Variants in NCOR2 observed in about 807,000 individuals in gnomAD.
NCOR2 encodes CTG repeat protein 26.
NCOR2 carries 81 observed loss-of-function variants against 262.9 expected under a neutral mutation model. That is an observed-to-expected ratio of 0.31 (90% CI 0.26 to 0.37). The LOEUF (loss-of-function observed/expected upper bound fraction) is 0.37. NCOR2 is among the 10% of genes least tolerant of loss of function. The pLI is 1.00. For synonymous variants in NCOR2, 1,659 were observed against 1,559.3 expected (o/e 1.06, Z -1.51); for missense variants, 3,385 against 3,621.4 (o/e 0.93, Z 1.68).
At chr12:124,387,537 G>T (rs559921813) in intron 16 of NCOR2, among the ~76,000 whole-genome samples, 1 of 152,192 alleles carries the variant, frequency 6.6e-6, no homozygotes, top group Admixed American at 6.5e-5. Context: ...CTGCCCTCCG[G>T]GTCCTCTGGC....
chr12:124,365,684 A>C (rs1042752034), intron 20 of NCOR2, among the ~76,000 whole-genome samples: 1 of 151,878 alleles, frequency 6.6e-6, no homozygotes, highest in East Asian at 1.9e-4. Context: ...TGACTTCTGC[A>C]TGCACCTCCA....
intron 1 of NCOR2, among the ~76,000 whole-genome samples, chr12:124,510,588 C>A (rs528513009): frequency 1.2e-3 from 178 of 152,348 alleles, no homozygotes; most frequent in African/African-American, 3.8e-3. Flanking sequence ...CCCAGGCGAG[C>A]CACCTCCTGT....
At position 124,501,239 on chromosome 12, in the gene NCOR2, G is replaced by A. The variant is rs371567351; in HGVS notation, c.-117-5871C>T. 1.6e-4 allele frequency among the ~76,000 whole-genome samples: 25 copies of A among 152,162 alleles called. No individual in the cohort carries two copies. In the South Asian group the frequency reaches 5.2e-3, roughly 32 times the overall value. On this transcript the variant is annotated intron_variant, in intron 1 of 46. Coordinates refer to the NCOR2 transcript ENST00000404621. ...CCCTGCGAAGACAGGCAGGCCCCAG[G>A]AGCCCTGCAGCTCAGCCACATACGG...
At chr12:124,328,531 CTTT>C (rs1195898007) in intron 44 of NCOR2, 1 of 152,026 alleles carries the variant, frequency 6.6e-6, no homozygotes, top group Non-Finnish European at 1.5e-5. Flanking sequence ...TTTCCTTTCC[CTTT>C]TTTCTTTCTT....
At chr12:124,361,711 G>A (rs373813626) in intron 22 of NCOR2, among the ~76,000 whole-genome samples, 30 of 152,326 alleles carry the variant, frequency 2.0e-4, no homozygotes, top group African/African-American at 6.0e-4. Context: ...AAGCTCCTGC[G>A]TGGACTGATT....
chr12:124,442,424 G>C (rs984027425), intron 7 of NCOR2, among the ~76,000 whole-genome samples: 21 of 152,220 alleles, frequency 1.4e-4, no homozygotes, highest in African/African-American at 4.8e-4. Context: ...ACAGGCGTGG[G>C]CCACCATGGC....
chr12:124,458,595 G>A (rs752168595), intron 5 of NCOR2, among the ~76,000 whole-genome samples: 9 of 152,178 alleles, frequency 5.9e-5, no homozygotes, highest in Non-Finnish European at 8.8e-5. Flanking sequence ...GCCAAGCGTC[G>A]GGCATACGGT....
At chr12:124,332,957 G>A (rs1158316554) in intron 42 of NCOR2, among the ~76,000 whole-genome samples, 173 bp downstream of exon 44, 4 of 152,190 alleles carry the variant, frequency 2.6e-5, no homozygotes, top group Non-Finnish European at 5.9e-5. Flanking sequence ...CCCAGGGAGG[G>A]TGGGCATGTA....
At chr12:124,435,310 T>TAA (rs1430623808) in intron 8 of NCOR2, among the ~76,000 whole-genome samples, 1 of 152,240 alleles carries the variant, frequency 6.6e-6, no homozygotes, top group African/African-American at 2.4e-5. Flanking sequence ...GGGTATCTCT[T>TAA]AACTTGATAA....
chr12:124,444,670 C>G (rs1056608133), intron 7 of NCOR2, among the ~76,000 whole-genome samples: 1 of 152,020 alleles, frequency 6.6e-6, no homozygotes, highest in African/African-American at 2.4e-5. Context: ...GAGCCTGACC[C>G]CGGCTGCAGG....
intron 13 of NCOR2, among the ~76,000 whole-genome samples, chr12:124,416,704 C>T (rs1217390969): frequency 1.4e-5 from 2 of 146,474 alleles, no homozygotes; most frequent in African/African-American, 5.1e-5. Flanking sequence ...CCCCGCGGCA[C>T]AGATAGAACC....
chr12:124,440,350 T>C lies in NCOR2; in HGVS notation c.816-2354A>G, dbSNP rs77244677. 6.6e-6 allele frequency among the ~76,000 whole-genome samples: 1 copy of C among 152,118 alleles called. No individual in the cohort carries two copies. Among genetic ancestry groups the C allele is most frequent in the Non-Finnish European group, 1.5e-5 (1 of 68,008 alleles). ...CCTCATGGGGCTCAAGGGCCTGGAA[T>C]CCACCTCAGTCCCCGGGTCATTCTG... is the stretch of plus-strand genomic sequence containing the variant. On this transcript the variant is annotated intron_variant, in intron 7 of 46. Transcript: ENST00000405201. This position sits in a 1 kb window ranked among gnomAD's most constrained non-coding sequence, Gnocchi z 5.7.
chr12:124,498,803 C>T (rs540548368), upstream of NCOR2, among the ~76,000 whole-genome samples: 9 of 152,278 alleles, frequency 5.9e-5, 1 homozygote, highest in Admixed American at 2.0e-4. Context: ...TATTACTCAG[C>T]CATAAAGAGG....
Position 124,457,393 on chromosome 12 carries a change from T to G in NCOR2, c.706-231A>C, listed in dbSNP as rs2045935900. Among the ~76,000 whole-genome samples, 1 of 151,658 alleles carries G rather than the reference T, an allele frequency of 6.6e-6. No homozygotes were observed. The highest frequency in any genetic ancestry group is 1.5e-5 in the Non-Finnish European group (1 of 67,914). On this transcript the variant is annotated intron_variant, in intron 5 of 46. Coordinates refer to ENST00000405201, the Ensembl canonical transcript of NCOR2. The surrounding 1 kb of genome is among the most constrained non-coding windows in gnomAD (Gnocchi z 4.0). The stretch of plus-strand genomic sequence containing the variant: ...CCCCAGCAAGCCAGCCAAGTTTCGA[T>G]TTTAGCAAATGCGCCGGGTCCACTG...
intron 1 of NCOR2, chr12:124,530,013 G>GA (rs2050698015): frequency 6.6e-6 from 1 of 152,176 alleles, no homozygotes; most frequent in African/African-American, 2.4e-5. Flanking sequence ...ACTTACACAA[G>GA]AATGTTCAGA....
At chr12:124,410,931 G>C (rs971715828) in intron 13 of NCOR2, among the ~76,000 whole-genome samples, 2 of 151,872 alleles carry the variant, frequency 1.3e-5, no homozygotes, top group Admixed American at 6.6e-5. Flanking sequence ...GGGACAGGGG[G>C]CTGTAGTGGG....
chr12:124,346,979 G>A (rs2036982930), intron 30 of NCOR2, 129 bp from the exon 33 acceptor site: 7 of 1,142,132 alleles, frequency 6.1e-6, no homozygotes, highest in Middle Eastern at 2.2e-4. Context: ...CCTTGACCAG[G>A]AAATCTGACC....
At chr12:124,398,808 C>G (rs564461996) in intron 15 of NCOR2, among the ~76,000 whole-genome samples, 1 of 152,256 alleles carries the variant, frequency 6.6e-6, no homozygotes, top group African/African-American at 2.4e-5. Flanking sequence ...GGCGGAGAAG[C>G]CCTGCTCCAG....
rs577273229 is a variant in NCOR2 at position 124,377,818 on chromosome 12, G to A, written c.2167+419C>T. On this transcript the variant is annotated intron_variant, in intron 18 of 46. Transcript: ENST00000405201. ...CACGTCACTGCACTCCAGCCTGGGC[G>A]ACAGAGCAAGACTCCGTCTGAAAAA... 1.3e-3 allele frequency among the ~76,000 whole-genome samples: 199 copies of A among 148,918 alleles called. 1 individual carries two copies. The highest frequency in any genetic ancestry group is 2.5e-3 in the Non-Finnish European group (166 of 67,568).
Sources: gnomAD v4.1 joint callset for allele counts (sites outside exome capture counted in the v4.1 genomes callset) on GRCh38, gnomAD v4.1.1 for gene constraint, Gnocchi (gnomAD v3.1) non-coding constraint, MANE v1.5 for transcripts, NCBI Gene and HGNC (gene_info 2026-07-23, HGNC 2026-07-21) for gene names.